The following FGF14 variants were observed in gnomAD, a reference collection of about 807,000 sequenced individuals.
FGF14 encodes fibroblast growth factor 14.
FGF14 carries 5 observed loss-of-function variants against 25.5 expected under a neutral mutation model. The ratio of observed to expected loss-of-function variants is 0.20; its 90% CI spans 0.10 to 0.41. The LOEUF (loss-of-function observed/expected upper bound fraction) is 0.41. FGF14 is among the 10% of genes least tolerant of loss of function. The pLI is 1.00. For synonymous variants in FGF14, 138 were observed against 118.3 expected (o/e 1.17, Z -1.08); for missense variants, 222 against 320.1 (o/e 0.69, Z 2.34).
At chr13:102,112,344 CCG>C (rs2045272845) in intron 1 of FGF14, among the ~76,000 whole-genome samples, 1 of 151,714 alleles carries the variant, frequency 6.6e-6, no homozygotes, top group Non-Finnish European at 1.5e-5. Flanking sequence ...CTCAGGTCCC[CCG>C]CCTTCTCCAC....
rs1185707265 is a variant in FGF14, at chr13:101,716,331, C to A, written c.*6500G>T. On this transcript the variant is annotated 3_prime_UTR_variant, in exon 5 of 5. Transcript: ENST00000376143. Reference sequence around the variant, plus strand: ...AGTCATCTGACATTAAATCATTTAGCCACTAAGTTATTTGTCTACTCTCAC... The same window carrying A: ...AGTCATCTGACATTAAATCATTTAGACACTAAGTTATTTGTCTACTCTCAC... 1 of 152,068 alleles carries A rather than the reference C, an allele frequency of 6.6e-6. No individual in the cohort carries two copies. The highest frequency in any genetic ancestry group is 1.5e-5 in the Non-Finnish European group (1 of 68,002). 9.4% of individuals were successfully genotyped at this position (152,068 alleles called of 1,614,324 possible).
intron 1 of FGF14, among the ~76,000 whole-genome samples, chr13:102,250,716 G>A (rs148527469): frequency 2.0e-3 from 301 of 152,304 alleles, no homozygotes; most frequent in African/African-American, 6.9e-3. Flanking sequence ...AGAGAATGCT[G>A]ATTAATATGC....
intron 1 of FGF14, among the ~76,000 whole-genome samples, chr13:102,116,844 A>T (rs1401716497): frequency 6.6e-6 from 1 of 152,212 alleles, no homozygotes; most frequent in Non-Finnish European, 1.5e-5. Context: ...CAAGTATTTT[A>T]TTACAGTAGG....
intron 1 of FGF14, among the ~76,000 whole-genome samples, chr13:102,172,412 G>C (rs952654765): frequency 6.6e-6 from 1 of 151,982 alleles, no homozygotes; most frequent in African/African-American, 2.4e-5. Flanking sequence ...ACATAGACTT[G>C]GGGCATTTTG....
chr13:102,356,402 T>C (rs16960100), intron 1 of FGF14, among the ~76,000 whole-genome samples: 2,275 of 152,328 alleles, frequency 0.015, 65 homozygotes, highest in African/African-American at 0.051. Context: ...AGAGTTGTAA[T>C]TGCTTTAAAA....
At position 101,877,027 on chromosome 13, in the gene FGF14, AT is replaced by A. The variant is rs1489547105; in HGVS notation, c.194-1732del. On this transcript the variant is annotated intron_variant, in intron 1 of 4. Coordinates refer to ENST00000376143, the MANE Select transcript of FGF14 (RefSeq NM_004115.4). ...AAAATGAGAATATTAGTGATTTACA[AT>A]TTTTCTGTAAAACTTTTATGTTCTG... is the stretch of plus-strand genomic sequence containing the variant. Among the ~76,000 whole-genome samples the A allele has an allele frequency of 3.9e-5, 6 of 152,056 alleles. No homozygotes were observed. The East Asian group carries it at 9.6e-4, about 24-fold the overall frequency.
chr13:101,851,668 TCTC>T, intron 3 of FGF14, among the ~76,000 whole-genome samples: 1 of 152,216 alleles, frequency 6.6e-6, no homozygotes, highest in East Asian at 1.9e-4. Context: ...CTCGCCTTTC[TCTC>T]CTCCTCCTCG....
chr13:102,267,431 C>T (rs1056863634), intron 1 of FGF14, among the ~76,000 whole-genome samples: 8 of 152,070 alleles, frequency 5.3e-5, no homozygotes, highest in African/African-American at 1.9e-4. Context: ...ATGACTCATA[C>T]ATTGTATACT....
chr13:102,003,805 G>A (rs1331136440), intron 1 of FGF14, among the ~76,000 whole-genome samples: 2 of 151,900 alleles, frequency 1.3e-5, no homozygotes, highest in Non-Finnish European at 1.5e-5. Flanking sequence ...TCCTCTAGTT[G>A]GAACTAGTGG....
intron 1 of FGF14, among the ~76,000 whole-genome samples, chr13:102,364,526 T>C (rs1002654042): frequency 3.9e-5 from 6 of 152,234 alleles, no homozygotes; most frequent in African/African-American, 1.4e-4. Context: ...GAGTATTTCC[T>C]ATTTACTACT....
chr13:101,794,507 T>C (rs566343065), intron 3 of FGF14, among the ~76,000 whole-genome samples: 41 of 152,220 alleles, frequency 2.7e-4, no homozygotes, highest in Non-Finnish European at 3.2e-4. Flanking sequence ...AGCATTTTGA[T>C]ACACGAACTA....
chr13:102,126,509 A>T (rs1307196232), intron 1 of FGF14, among the ~76,000 whole-genome samples: 1 of 152,202 alleles, frequency 6.6e-6, no homozygotes, highest in African/African-American at 2.4e-5. Flanking sequence ...GCTACTGTGA[A>T]TAATGCTGCA....
At chr13:101,924,307 GATT>G (rs1374134322) in intron 1 of FGF14, among the ~76,000 whole-genome samples, 2 of 151,842 alleles carry the variant, frequency 1.3e-5, no homozygotes, top group African/African-American at 2.4e-5. Context: ...GCTGGATTAA[GATT>G]ATGTTCTTTG....
intron 1 of FGF14, among the ~76,000 whole-genome samples, chr13:102,127,688 G>A (rs1038038544): frequency 6.6e-6 from 1 of 152,146 alleles, no homozygotes; most frequent in African/African-American, 2.4e-5. Context: ...TAAAATGTTG[G>A]TTGATCCTAG....
intron 3 of FGF14, among the ~76,000 whole-genome samples, chr13:101,788,903 TATATATAGAG>T (rs1170568284): frequency 9.4e-3 from 334 of 35,472 alleles, no homozygotes; most frequent in East Asian, 0.017. Flanking sequence ...TATATATATA[TATATATAGAG>T]AGAGAGAGAG....
rs539976384 is a variant in FGF14, at chr13:101,712,107, G to A, written c.*10724C>T. On this transcript the variant is annotated 3_prime_UTR_variant, in exon 5 of 5. Transcript: ENST00000376143. ...GTTCTACAGGAAAAGTGCTATAATA[G>A]GTCCTAATAACTATTCACACTGTGT... The A allele has an allele frequency of 6.6e-6, 1 of 152,234 alleles. No individual in the cohort carries two copies. Among genetic ancestry groups the A allele is most frequent in the East Asian group, 1.9e-4 (1 of 5,182 alleles). 9.4% of individuals were successfully genotyped at this position (152,234 alleles called of 1,614,324 possible).
intron 1 of FGF14, among the ~76,000 whole-genome samples, chr13:101,973,515 G>A (rs768223051): frequency 6.6e-6 from 1 of 152,092 alleles, no homozygotes; most frequent in Non-Finnish European, 1.5e-5. Flanking sequence ...TAACTCACAC[G>A]ATCACAAGGT....
intron 3 of FGF14, among the ~76,000 whole-genome samples, chr13:101,787,311 T>A (rs1054311843): frequency 5.3e-5 from 8 of 152,198 alleles, no homozygotes; most frequent in African/African-American, 1.9e-4. Context: ...ATCTAGCATA[T>A]TGAATAGCTG....
chr13:102,330,296 G>A (rs976858946), intron 1 of FGF14, among the ~76,000 whole-genome samples: 2 of 152,022 alleles, frequency 1.3e-5, no homozygotes, highest in East Asian at 1.9e-4. Flanking sequence ...GCTCCTATCC[G>A]CTGCCTTCCT....
Sources: gnomAD v4.1 joint callset for allele counts (sites outside exome capture counted in the v4.1 genomes callset) on GRCh38, gnomAD v4.1.1 for gene constraint, MANE v1.5 for transcripts, NCBI Gene and HGNC (gene_info 2026-07-23, HGNC 2026-07-21) for gene names.